IQGAP2: variants seen among roughly 807,000 people sequenced by gnomAD.
IQGAP2 encodes the protein ras GTPase-activating-like protein IQGAP2.
Under a neutral mutation model 201.3 loss-of-function variants are expected in IQGAP2, and 173 were observed. The ratio of observed to expected loss-of-function variants is 0.86; its 90% CI spans 0.76 to 0.98. The LOEUF is 0.98. IQGAP2 is among the 50% of genes least tolerant of loss of function. The pLI, the probability that IQGAP2 is intolerant of heterozygous loss-of-function variation, is 0.00. For synonymous variants in IQGAP2, 675 were observed against 673.9 expected (o/e 1.00, Z -0.03); for missense variants, 1,687 against 1,864.8 (o/e 0.90, Z 1.76).
intron 2 of IQGAP2, among the ~76,000 whole-genome samples, chr5:76,473,824 A>C (rs1049004449): frequency 6.6e-6 from 1 of 152,220 alleles, no homozygotes; most frequent in African/African-American, 2.4e-5. Context: ...TTGTTGAAAC[A>C]TCAAAAGGTA....
chr5:76,419,686 T>G (rs1580151528), intron 1 of IQGAP2, among the ~76,000 whole-genome samples: 1 of 138,592 alleles, frequency 7.2e-6, no homozygotes, highest in Non-Finnish European at 1.6e-5. Flanking sequence ...TTTTTTTTTT[T>G]GTGTTTTAAA....
At chr5:76,683,942 A>G in intron 30 of IQGAP2, 25 bp downstream of exon 30, 1 of 1,594,410 alleles carries the variant, frequency 6.3e-7, no homozygotes, top group Non-Finnish European at 8.6e-7. Flanking sequence ...TAAAGGGCAC[A>G]TGTCTCCAAA....
intron 2 of IQGAP2, among the ~76,000 whole-genome samples, chr5:76,525,455 TC>T (rs1168078094): frequency 6.6e-6 from 1 of 152,146 alleles, no homozygotes; most frequent in Non-Finnish European, 1.5e-5. Context: ...TGGTTGAATT[TC>T]CAGTGAATTT....
intron 18 of IQGAP2, among the ~76,000 whole-genome samples, chr5:76,653,074 T>C (rs979219263): frequency 6.6e-5 from 10 of 152,228 alleles, no homozygotes; most frequent in African/African-American, 2.2e-4. Context: ...CAAGTGAAAG[T>C]GTTCTATAAC....
At chr5:76,475,553 TTGTTTTTCCTTCCCCTCCC>T (rs1755367376) in intron 2 of IQGAP2, among the ~76,000 whole-genome samples, 1 of 152,204 alleles carries the variant, frequency 6.6e-6, no homozygotes, top group East Asian at 1.9e-4. Flanking sequence ...GGGGAAAGAA[TTGTTTTTCCTTCCCCTCCC>T]TGTAAGACCG....
chr5:76,636,919 G>C, intron 15 of IQGAP2, 115 bp from the exon 16 acceptor site: 1 of 810,394 alleles, frequency 1.2e-6, no homozygotes, highest in Non-Finnish European at 1.8e-6. Flanking sequence ...GATGCCTTTG[G>C]CTGTCTGAAG....
At chr5:76,522,596 A>T (rs1037803368) in intron 2 of IQGAP2, among the ~76,000 whole-genome samples, 4 of 152,216 alleles carry the variant, frequency 2.6e-5, no homozygotes, top group African/African-American at 9.7e-5. Context: ...TTGACAGCAG[A>T]CTTAACTTGA....
At chr5:76,627,376 C>A (rs760028085) in intron 13 of IQGAP2, 34 bp from the exon 14 acceptor site, 1 of 1,340,684 alleles carries the variant, frequency 7.5e-7, no homozygotes, top group Non-Finnish European at 1.1e-6. Flanking sequence ...ATCATTCACT[C>A]TTCTTTCTTT....
intron 12 of IQGAP2, 38 bp downstream of exon 12, chr5:76,606,341 A>C (rs1242400543): frequency 6.6e-7 from 1 of 1,524,710 alleles, no homozygotes; most frequent in East Asian, 2.3e-5. Flanking sequence ...GCATAGTGGG[A>C]GAAGAAGGTA....
At chr5:76,509,336 T>C (rs1323323916) in intron 2 of IQGAP2, among the ~76,000 whole-genome samples, 1 of 152,086 alleles carries the variant, frequency 6.6e-6, no homozygotes, top group Non-Finnish European at 1.5e-5. Context: ...AAGACTCAAT[T>C]GTACCTTATA....
At chr5:76,610,108 ATATATATTTTT>A (rs1366469173) in intron 12 of IQGAP2, among the ~76,000 whole-genome samples, 3 of 14,494 alleles carry the variant, frequency 2.1e-4, no homozygotes, top group Non-Finnish European at 3.7e-4. Flanking sequence ...ATATATATAT[ATATATATTTTT>A]TTTTTTTTTT....
chr5:76,671,887 A>G lies in IQGAP2; in HGVS notation c.2972A>G (p.Glu991Gly), dbSNP rs1288570464. ...CAACTCCTGGCTCCAGTGGTAAAAG[A>G]GATCATCGACGACAAGTCGCTGATT... is the stretch of plus-strand genomic sequence containing the variant. Reference protein sequence around the residue: ...LRQLLAPVVKEIIDDKSLIIN... With the variant: ...LRQLLAPVVKGIIDDKSLIIN... Residue 991 changes from glutamate (E) to glycine (G), a missense_variant, in exon 24 of 36, where the codon GAG becomes GGG. By Grantham distance (98) the Glu-to-Gly change is moderately conservative. Coordinates refer to ENST00000274364, the MANE Select transcript of IQGAP2 (RefSeq NM_006633.5). 6.2e-7 allele frequency: 1 copy of G among 1,614,110 alleles called. No individual in the cohort carries two copies. Among genetic ancestry groups the G allele is most frequent in the Admixed American group, 1.7e-5 (1 of 60,030 alleles).
At chr5:76,533,722 T>G (rs1053966945) in intron 2 of IQGAP2, among the ~76,000 whole-genome samples, 6 of 152,102 alleles carry the variant, frequency 3.9e-5, no homozygotes, top group African/African-American at 1.4e-4. Flanking sequence ...TATTTTTTAG[T>G]AGAGACGGGG....
rs147456760 is a variant in IQGAP2, at chr5:76,695,192, T to A, written c.3994-262T>A. On this transcript the variant is annotated intron_variant, in intron 31 of 35. Transcript: ENST00000274364. ...AAAGTAGCAGTTATCCATTAAAATATGTCCATTACTATAGTGATTTGTCAC... is the reference window on the plus strand; with the variant it reads ...AAAGTAGCAGTTATCCATTAAAATAAGTCCATTACTATAGTGATTTGTCAC... Among the ~76,000 whole-genome samples, 347 of 152,356 alleles carry A rather than the reference T, an allele frequency of 2.3e-3. 1 individual carries two copies. Among genetic ancestry groups the A allele is most frequent in the African/African-American group, 7.8e-3 (323 of 41,596 alleles).
chr5:76,544,400 C>T (rs12513951), intron 2 of IQGAP2, among the ~76,000 whole-genome samples: 54,322 of 151,864 alleles, frequency 0.36, 10,234 homozygotes, highest in East Asian at 0.64. Flanking sequence ...AGTTCCCAGC[C>T]GACTTGGGGC....
At chr5:76,424,621 T>C (rs1751899175) in intron 1 of IQGAP2, among the ~76,000 whole-genome samples, 1 of 152,178 alleles carries the variant, frequency 6.6e-6, no homozygotes, top group Non-Finnish European at 1.5e-5. Flanking sequence ...TTTGTAAACC[T>C]CCTCAAATAT....
intron 2 of IQGAP2, among the ~76,000 whole-genome samples, chr5:76,517,527 C>T (rs371681465): frequency 1.3e-4 from 20 of 150,628 alleles, no homozygotes; most frequent in East Asian, 7.8e-4. Context: ...TTGGGAGGAT[C>T]GCTTGAGGTT....
At chr5:76,663,350 A>G (rs1743438650) in intron 21 of IQGAP2, among the ~76,000 whole-genome samples, 1 of 152,180 alleles carries the variant, frequency 6.6e-6, no homozygotes, top group Admixed American at 6.5e-5. Flanking sequence ...GTGGAGGTCC[A>G]GCTAAGAGCT....
At chr5:76,619,207 A>G (rs969231701) in intron 13 of IQGAP2, among the ~76,000 whole-genome samples, 5 of 152,218 alleles carry the variant, frequency 3.3e-5, no homozygotes, top group African/African-American at 1.2e-4. Context: ...ATCTGTAAGT[A>G]ATGCTACTCG....
Sources: allele counts gnomAD v4.1 joint callset (sites outside exome capture counted in the v4.1 genomes callset), GRCh38; gene constraint gnomAD v4.1.1; transcripts MANE v1.5; gene names NCBI Gene and HGNC (gene_info 2026-07-23, HGNC 2026-07-21).